SLC25A14: variants seen among roughly 807,000 people sequenced by gnomAD.
SLC25A14 encodes the protein brain mitochondrial carrier protein 1.
Under a neutral mutation model 28.1 loss-of-function variants are expected in SLC25A14, and 8 were observed. That is an observed-to-expected ratio of 0.28 (90% confidence interval 0.17 to 0.51). SLC25A14 has a LOEUF of 0.51. Among genes scored for constraint, SLC25A14 ranks in the 20% least tolerant of loss-of-function variants. The pLI is 0.97. For synonymous variants in SLC25A14, 74 were observed against 90.6 expected, an observed-to-expected ratio of 0.82 and a Z score of 1.04; for missense variants, 135 against 263.8, an observed-to-expected ratio of 0.51 and a Z score of 3.38.
intron 4 of SLC25A14, among the ~76,000 whole-genome samples, chrX:130,347,678 A>AT (rs1221873343): frequency 7.2e-5 from 8 of 111,606 alleles, no homozygotes; most frequent in Admixed American, 9.5e-5. Context: ...GTAGAGGTTG[A>AT]TTTTTTTAAA....
At chrX:130,341,206 C>T (rs1298338331) in intron 2 of SLC25A14, among the ~76,000 whole-genome samples, 1 of 112,242 alleles carries the variant, frequency 8.9e-6, no homozygotes, top group East Asian at 2.8e-4. Context: ...TTTCTATGCT[C>T]CTCTTGCTCT....
intron 9 of SLC25A14, among the ~76,000 whole-genome samples, chrX:130,369,065 C>T (rs2034198655): frequency 8.9e-6 from 1 of 112,320 alleles, no homozygotes; most frequent in African/African-American, 3.2e-5. Context: ...TGTTTTCACA[C>T]AACTGCCTTA....
At chrX:130,345,359 T>A in intron 3 of SLC25A14, 84 bp downstream of exon 3, 1 of 613,192 alleles carries the variant, frequency 1.6e-6, no homozygotes, top group Non-Finnish European at 2.6e-6. Context: ...GAAAGCTAGG[T>A]AAAAAATAAG....
chrX:130,366,453 T>C (rs2034119420), intron 9 of SLC25A14, among the ~76,000 whole-genome samples: 1 of 112,070 alleles, frequency 8.9e-6, no homozygotes, highest in Non-Finnish European at 1.9e-5. Flanking sequence ...GAGACTTATG[T>C]GTATTCGTTC....
chrX:130,372,179 G>A lies in SLC25A14; in HGVS notation c.936+535G>A, dbSNP rs369752566. On this transcript the variant is annotated intron_variant, in intron 10 of 10. Transcript: ENST00000545805. The stretch of plus-strand genomic sequence containing the variant: ...TATAATGGTAAGCACCGCAGGGTTG[G>A]AAAGTAATTCTCTGCCCTTGTGGGG... Among the ~76,000 whole-genome samples the A allele has an allele frequency of 3.6e-5, 4 of 111,918 alleles. No homozygotes were observed. The East Asian group carries it at 1.1e-3, about 32-fold the overall frequency.
At chrX:130,363,139 T>C (rs1410655884) in intron 7 of SLC25A14, among the ~76,000 whole-genome samples, 1 of 112,347 alleles carries the variant, frequency 8.9e-6, no homozygotes, top group Non-Finnish European at 1.9e-5. Context: ...ATTACCACTG[T>C]CTAAGTTTAG....
At chrX:130,349,534 T>G in intron 5 of SLC25A14, 189 bp downstream of exon 5, 1 of 269,370 alleles carries the variant, frequency 3.7e-6, no homozygotes. Flanking sequence ...GTTCTTCAAA[T>G]TTGTCCCTTT....
chrX:130,359,110 T>G, intron 7 of SLC25A14: 6 of 785,943 alleles, frequency 7.6e-6, no homozygotes, highest in Non-Finnish European at 8.7e-6. Context: ...CCCAGCACTT[T>G]GGGAGGCCAA....
chrX:130,352,253 C>CT (rs1390027831), intron 6 of SLC25A14, among the ~76,000 whole-genome samples: 1 of 111,982 alleles, frequency 8.9e-6, no homozygotes, highest in Non-Finnish European at 1.9e-5. Context: ...TGATTTTGTT[C>CT]TTTTTTATGA....
intron 10 of SLC25A14, 21 bp from the exon 11 acceptor site, chrX:130,372,888 C>T: frequency 8.8e-7 from 1 of 1,135,882 alleles, no homozygotes; most frequent in Non-Finnish European, 1.2e-6. Flanking sequence ...ACCTGGTGAT[C>T]TTCCTTGACT....
At chrX:130,362,018 G>A (rs1261902776) in intron 7 of SLC25A14, among the ~76,000 whole-genome samples, 7 of 111,175 alleles carry the variant, frequency 6.3e-5, no homozygotes, top group Non-Finnish European at 3.8e-5. Context: ...AGGTCAAAGA[G>A]CCAGCAAGGA....
chrX:130,361,623 C>T (rs757187192), intron 7 of SLC25A14, among the ~76,000 whole-genome samples: 10 of 112,115 alleles, frequency 8.9e-5, no homozygotes, highest in East Asian at 2.8e-4. Flanking sequence ...AAAAATAGCA[C>T]GAGCACAATA....
intron 4 of SLC25A14, among the ~76,000 whole-genome samples, chrX:130,348,259 G>T (rs2033505358): frequency 9.1e-6 from 1 of 110,450 alleles, no homozygotes; most frequent in Admixed American, 9.6e-5. Flanking sequence ...TCCTGTTCAT[G>T]AGGGCTTTAC....
chrX:130,358,172 A>G (rs2033852348), intron 6 of SLC25A14, among the ~76,000 whole-genome samples: 1 of 112,054 alleles, frequency 8.9e-6, no homozygotes. Context: ...CTGGTTAGCA[A>G]TTAATTTTTG....
chrX:130,357,259 C>T (rs1282139519), intron 6 of SLC25A14, among the ~76,000 whole-genome samples: 2 of 112,127 alleles, frequency 1.8e-5, no homozygotes, highest in South Asian at 3.7e-4. Flanking sequence ...CAAAATTTCA[C>T]ATAACTCATC....
At chrX:130,371,029 C>T (rs1603267647) in intron 9 of SLC25A14, among the ~76,000 whole-genome samples, 1 of 112,033 alleles carries the variant, frequency 8.9e-6, no homozygotes, top group East Asian at 2.8e-4. Context: ...CTTCAGTGAT[C>T]ACTCATGCAG....
Position 130,364,654 on chromosome X carries a change from T to A in SLC25A14, c.621T>A (p.Ala207=). Residue 207 remains alanine (A), a synonymous_variant, in exon 8 of 11, where the codon GCT becomes GCA. Transcript: ENST00000545805. ...GTGTGGTTCCAACTGCTCAGCGTGCTGCCATCGTTGTAGGAGTAGAGCTAC... is the reference window on the plus strand; with the variant it reads ...GTGTGGTTCCAACTGCTCAGCGTGCAGCCATCGTTGTAGGAGTAGAGCTAC... ...WRGVVPTAQR[A]AIVVGVELPV... is the part of the protein sequence containing the mutation. 1 of 1,209,706 alleles carries A rather than the reference T, an allele frequency of 8.3e-7. No homozygotes were observed. The highest frequency in any genetic ancestry group is 1.1e-6 in the Non-Finnish European group (1 of 893,826).
At chrX:130,367,361 AGTT>A (rs1434524582) in intron 9 of SLC25A14, among the ~76,000 whole-genome samples, 1 of 111,533 alleles carries the variant, frequency 9.0e-6, no homozygotes, top group African/African-American at 3.3e-5. Context: ...GGGTTTTTGG[AGTT>A]GGTGACCAGG....
At chrX:130,358,845 G>A in intron 7 of SLC25A14, 110 bp downstream of exon 7, 1 of 653,567 alleles carries the variant, frequency 1.5e-6, no homozygotes, top group South Asian at 2.8e-5. Flanking sequence ...AAAAACTAAG[G>A]TAAGAAACTC....
Sources: allele counts gnomAD v4.1 joint callset (sites outside exome capture counted in the v4.1 genomes callset), GRCh38; gene constraint gnomAD v4.1.1; transcripts MANE v1.5; gene names NCBI Gene and HGNC (gene_info 2026-07-23, HGNC 2026-07-21).